The following SORCS2 variants were observed in gnomAD, a reference collection of about 807,000 sequenced individuals.
SORCS2 encodes the protein VPS10 domain-containing receptor SorCS2.
In SORCS2, 100 loss-of-function variants were observed where a neutral mutation model predicts 141.6. That is an observed-to-expected ratio of 0.71 (90% CI 0.60 to 0.83). The LOEUF (loss-of-function observed/expected upper bound fraction) is 0.83, where lower values mean the gene tolerates loss of function less well. Ranked by LOEUF, SORCS2 falls within the 40% of genes least tolerant of loss-of-function variation. The pLI, the probability that SORCS2 is intolerant of heterozygous loss-of-function variation, is 0.00. For missense variants in SORCS2, 1,646 were observed against 1,560.2 expected, an observed-to-expected ratio of 1.05 and a Z score of -0.93; for synonymous variants, 789 against 676.9, an observed-to-expected ratio of 1.17 and a Z score of -2.57.
At chr4:7,400,760 T>C (rs1039606273) in intron 2 of SORCS2, among the ~76,000 whole-genome samples, 4 of 151,680 alleles carry the variant, frequency 2.6e-5, no homozygotes, top group Admixed American at 6.6e-5. Flanking sequence ...GATGGATTGA[T>C]GGATGGATGT....
intron 1 of SORCS2, among the ~76,000 whole-genome samples, chr4:7,205,622 C>A (rs974029829): frequency 2.0e-5 from 3 of 152,158 alleles, no homozygotes; most frequent in Non-Finnish European, 4.4e-5. Flanking sequence ...TTGTTGCCTA[C>A]TTCATAATGG....
chr4:7,459,337 A>G (rs1042193454), intron 2 of SORCS2, among the ~76,000 whole-genome samples: 3 of 152,104 alleles, frequency 2.0e-5, no homozygotes, highest in African/African-American at 7.2e-5. Context: ...CAGGCCTTGT[A>G]CTAGGGAGAC....
chr4:7,463,374 C>T (rs1193277035), intron 2 of SORCS2, among the ~76,000 whole-genome samples: 3 of 152,100 alleles, frequency 2.0e-5, no homozygotes, highest in African/African-American at 7.2e-5. Context: ...ATTTGACTTC[C>T]CTGAAGCTTC....
intron 3 of SORCS2, among the ~76,000 whole-genome samples, chr4:7,627,468 A>T (rs1352671066): frequency 1.3e-5 from 2 of 152,176 alleles, no homozygotes; most frequent in African/African-American, 4.8e-5. Context: ...CTCCCATGCC[A>T]TGGGGGGTGA....
At chr4:7,279,276 G>A (rs1045495196) in intron 1 of SORCS2, among the ~76,000 whole-genome samples, 3 of 152,216 alleles carry the variant, frequency 2.0e-5, no homozygotes, top group Non-Finnish European at 4.4e-5. Flanking sequence ...AACATCAGAT[G>A]GAGCTAGGGA....
intron 2 of SORCS2, among the ~76,000 whole-genome samples, chr4:7,424,896 C>T (rs1726321209): frequency 6.6e-6 from 1 of 152,210 alleles, no homozygotes. Context: ...GTGCCCGGCA[C>T]CACCTCCCGA....
chr4:7,193,009 G>T lies in SORCS2; in HGVS notation c.363G>T (p.Ala121=), dbSNP rs1430554480. The change falls in exon 1 of 27, where the codon GCG becomes GCT. Residue 121 remains alanine, a synonymous_variant. Coordinates refer to ENST00000507866, the MANE Select transcript of SORCS2 (RefSeq NM_020777.3). The surrounding 1 kb of genome is among the most constrained non-coding windows in gnomAD (Gnocchi z 4.8). ...GCTACCGGCGCTGGGAGCGGGCGGC[G>T]CCGCTGGCCGGAGTGGCTTCGCGGG... is the stretch of plus-strand genomic sequence containing the variant. ...AAGYRRWERA[A]PLAGVASRAQ... The T allele has an allele frequency of 6.8e-7, 1 of 1,469,042 alleles. No homozygotes were observed. Among genetic ancestry groups the T allele is most frequent in the Admixed American group, 2.5e-5 (1 of 40,454 alleles). The allele number at this position is 1,469,042 out of a possible 1,614,324, so 91.0% of individuals were successfully genotyped here. A position where few individuals can be genotyped will look rare whatever the true frequency, so the allele number is the denominator to read the frequency against.
intron 2 of SORCS2, among the ~76,000 whole-genome samples, chr4:7,483,952 G>A (rs1466979305): frequency 6.6e-6 from 1 of 152,166 alleles, no homozygotes; most frequent in Non-Finnish European, 1.5e-5. Context: ...ACAAAAACGA[G>A]TCTTTCAGAA....
At chr4:7,724,324 G>GATGGTGGTGA (rs1171382620) in intron 19 of SORCS2, among the ~76,000 whole-genome samples, 1 of 127,898 alleles carries the variant, frequency 7.8e-6, no homozygotes, top group African/African-American at 2.9e-5. Context: ...TGGTGGTGGT[G>GATGGTGGTGA]ATAGGGTGAT....
At chr4:7,224,017 C>T (rs1042128993) in intron 1 of SORCS2, among the ~76,000 whole-genome samples, 2 of 152,158 alleles carry the variant, frequency 1.3e-5, no homozygotes, top group Non-Finnish European at 1.5e-5. Flanking sequence ...ATTAAAATAG[C>T]AATGCAGAGA....
At chr4:7,623,170 T>G (rs4689802) in intron 3 of SORCS2, among the ~76,000 whole-genome samples, 3 of 152,064 alleles carry the variant, frequency 2.0e-5, no homozygotes, top group African/African-American at 7.2e-5. Context: ...GACACACCAA[T>G]GCCCTGCCTT....
chr4:7,549,970 C>G (rs1713557846), intron 3 of SORCS2, among the ~76,000 whole-genome samples: 1 of 152,128 alleles, frequency 6.6e-6, no homozygotes, highest in Non-Finnish European at 1.5e-5. Context: ...ATATTTGCTC[C>G]CGAGGACTGA....
intron 9 of SORCS2, among the ~76,000 whole-genome samples, chr4:7,678,357 G>A (rs1723300217): frequency 1.3e-5 from 2 of 151,392 alleles, no homozygotes; most frequent in African/African-American, 4.9e-5. Flanking sequence ...CACCAGCTGG[G>A]TGCCCTCCCA....
At position 7,416,974 on chromosome 4, in the gene SORCS2, C is replaced by A. The variant is rs1725743192; in HGVS notation, c.548+20619C>A. 2.0e-5 allele frequency among the ~76,000 whole-genome samples: 3 copies of A among 152,188 alleles called. No individual in the cohort carries two copies. In the South Asian group the frequency reaches 6.2e-4, roughly 31 times the overall value. On this transcript the variant is annotated intron_variant, in intron 2 of 26. Coordinates refer to ENST00000507866, the MANE Select transcript of SORCS2 (RefSeq NM_020777.3). ...CACACACACACCCACACACCCATGC[C>A]TCTGCCTGTGGTCTGCAGAAGAGCA...
intron 1 of SORCS2, among the ~76,000 whole-genome samples, chr4:7,380,850 C>T (rs982835021): frequency 6.6e-6 from 1 of 152,176 alleles, no homozygotes. Flanking sequence ...CTTTGGGAGG[C>T]CAAGGCGGGC....
At position 7,582,138 on chromosome 4, in the gene SORCS2, G is replaced by A. The variant is rs373693162; in HGVS notation, c.648+50509G>A. On this transcript the variant is annotated intron_variant, in intron 3 of 26. Coordinates refer to ENST00000507866, the MANE Select transcript of SORCS2 (RefSeq NM_020777.3). ...TCTGAGAATATTATGCCATTTATAG[G>A]CATTAATTCCAATATGCAAAAGAAC... Among the ~76,000 whole-genome samples the A allele has an allele frequency of 3.2e-3, 481 of 152,244 alleles. 3 individuals carry two copies. Among genetic ancestry groups the A allele is most frequent in the African/African-American group, 0.011 (449 of 41,514 alleles).
chr4:7,214,984 C>T (rs984614603), intron 1 of SORCS2, among the ~76,000 whole-genome samples: 10 of 152,078 alleles, frequency 6.6e-5, no homozygotes, highest in African/African-American at 2.4e-4. Flanking sequence ...TCACGGCCCT[C>T]GCTTGCTCTC....
chr4:7,224,853 G>A lies in SORCS2; in HGVS notation c.480+31727G>A, dbSNP rs565588633. Among the ~76,000 whole-genome samples, 5 of 152,334 alleles carry A rather than the reference G, an allele frequency of 3.3e-5. No individual in the cohort carries two copies. In the East Asian group the frequency reaches 5.8e-4, roughly 18 times the overall value. On this transcript the variant is annotated intron_variant, in intron 1 of 26. Transcript: ENST00000507866. ...CTCTCTCATGAGCTCACTGGGGGCC[G>A]AACGGACCTGGAGGACCCTGAGCTT...
Position 7,733,419 on chromosome 4 carries a change from C to T in SORCS2, c.3206C>T (p.Thr1069Ile). The change falls in exon 24 of 27, where the codon ACA becomes ATA. Residue 1069 changes from threonine (T) to isoleucine (I), a missense_variant and splice_region_variant. Transcript: ENST00000507866. The part of the protein sequence containing the change: ...RVLVALRDTG[T>I]GAEQLGGGGG... ...CTGGTGGCCCTGCGGGACACAGGCA[C>T]AGGTGAGCCACTGGGAGCTCCCCTG... The T allele has an allele frequency of 6.3e-7, 1 of 1,581,722 alleles. No homozygotes were observed. The highest frequency in any genetic ancestry group is 8.6e-7 in the Non-Finnish European group (1 of 1,163,848).
Sources: gnomAD v4.1 joint callset for allele counts (sites outside exome capture counted in the v4.1 genomes callset) on GRCh38, gnomAD v4.1.1 for gene constraint, Gnocchi (gnomAD v3.1) non-coding constraint, MANE v1.5 for transcripts, NCBI Gene and HGNC (gene_info 2026-07-23, HGNC 2026-07-21) for gene names.